Variants in HERPUD2 observed in about 807,000 individuals in gnomAD.
The protein encoded by HERPUD2 is HERPUD family member 2.
Under a neutral mutation model 49.9 loss-of-function variants are expected in HERPUD2, and 13 were observed. The observed-to-expected ratio is 0.26, with a 90% confidence interval of 0.17 to 0.41. The LOEUF (loss-of-function observed/expected upper bound fraction) is 0.41. Ranked by LOEUF, HERPUD2 falls within the 10% of genes least tolerant of loss-of-function variation. The pLI, the probability that HERPUD2 is intolerant of heterozygous loss-of-function variation, is 1.00. For missense variants in HERPUD2, 449 were observed against 492.2 expected, an observed-to-expected ratio of 0.91 and a Z score of 0.83; for synonymous variants, 172 against 171.4, an observed-to-expected ratio of 1.00 and a Z score of -0.03.
intron 5 of HERPUD2, among the ~76,000 whole-genome samples, chr7:35,662,301 T>A (rs1301027439): frequency 6.6e-6 from 1 of 152,224 alleles, no homozygotes; most frequent in Non-Finnish European, 1.5e-5. Flanking sequence ...GATTTTTACA[T>A]CGATGTTCAT....
At chr7:35,691,357 G>A (rs1165018763) in intron 2 of HERPUD2, among the ~76,000 whole-genome samples, 1 of 151,680 alleles carries the variant, frequency 6.6e-6, no homozygotes, top group Non-Finnish European at 1.5e-5. Flanking sequence ...ATAGACATAT[G>A]ACCTATCTTT....
intron 5 of HERPUD2, among the ~76,000 whole-genome samples, chr7:35,641,610 G>A (rs1363121006): frequency 6.6e-6 from 1 of 152,108 alleles, no homozygotes; most frequent in Non-Finnish European, 1.5e-5. Flanking sequence ...CACAGTACTG[G>A]TACAAAAACA....
At chr7:35,658,025 C>A (rs1429863344) in intron 5 of HERPUD2, among the ~76,000 whole-genome samples, 3 of 152,048 alleles carry the variant, frequency 2.0e-5, no homozygotes, top group Non-Finnish European at 2.9e-5. Flanking sequence ...GTCAAAGATA[C>A]CTGCACTCCC....
intron 2 of HERPUD2, among the ~76,000 whole-genome samples, chr7:35,678,940 T>A (rs1207215837): frequency 1.3e-5 from 2 of 152,164 alleles, no homozygotes; most frequent in African/African-American, 4.8e-5. Flanking sequence ...GGACTACTGA[T>A]CAAAATACAT....
chr7:35,666,567 C>T lies in HERPUD2; in HGVS notation c.494+867G>A, dbSNP rs377534458. Among the ~76,000 whole-genome samples, 23 of 152,304 alleles carry T rather than the reference C, an allele frequency of 1.5e-4. No individual in the cohort carries two copies. In the South Asian group the frequency reaches 3.9e-3, roughly 26 times the overall value. ...CACACTGCAGCCCCATGGCTTGATA[C>T]GCAACACAGAAATTATCACTATCTG... On this transcript the variant is annotated intron_variant, in intron 5 of 8. Transcript: ENST00000311350.
chr7:35,660,345 C>G (rs1482342483), intron 5 of HERPUD2, among the ~76,000 whole-genome samples: 1 of 152,196 alleles, frequency 6.6e-6, no homozygotes, highest in South Asian at 2.1e-4. Context: ...CATACGTGTG[C>G]ATATGTCTTT....
chr7:35,635,029 C>T, intron 7 of HERPUD2, 106 bp downstream of exon 7: 1 of 759,996 alleles, frequency 1.3e-6, no homozygotes, highest in Non-Finnish European at 2.1e-6. Flanking sequence ...TAAAGCCCAG[C>T]ATTCATATTC....
chr7:35,655,736 G>A (rs746311205), intron 5 of HERPUD2, among the ~76,000 whole-genome samples: 1 of 152,186 alleles, frequency 6.6e-6, no homozygotes, highest in Non-Finnish European at 1.5e-5. Context: ...AATTGGAAAA[G>A]AGGAAGTCAA....
intron 5 of HERPUD2, among the ~76,000 whole-genome samples, chr7:35,664,510 A>G (rs1785497439): frequency 6.6e-6 from 1 of 152,148 alleles, no homozygotes; most frequent in Non-Finnish European, 1.5e-5. Context: ...CATTCTCCCC[A>G]TCACTTTCAG....
intron 2 of HERPUD2, among the ~76,000 whole-genome samples, chr7:35,686,822 T>TG (rs1786068630): frequency 1.6e-3 from 4 of 2,528 alleles, no homozygotes; most frequent in Non-Finnish European, 2.5e-3. Context: ...GGGGGGGGGG[T>TG]GGGGGGGTGG....
In HERPUD2 at chr7:35,694,217, T is replaced by C. The variant is rs137971360; in HGVS notation, c.114A>G (p.Lys38=). ...TAGGGTAAACGTTAGATAGATGCGT[T>C]TTTAGTTTCCCCACGGTCCAGTTCA... ...CFLNWTVGKL[K]THLSNVYPSK... The change falls in exon 2 of 9, where the codon AAA becomes AAG. Residue 38 remains lysine (K), a synonymous_variant. Coordinates refer to ENST00000311350, the MANE Select transcript of HERPUD2 (RefSeq NM_022373.5). 103 of 1,613,888 alleles carry C rather than the reference T, an allele frequency of 6.4e-5. No homozygotes were observed. The highest frequency in any genetic ancestry group is 8.7e-5 in the Non-Finnish European group (103 of 1,180,002).
In HERPUD2 at chr7:35,674,378, C is replaced by CATATATATATATATATAT. The variant is rs1562682656; in HGVS notation, c.148-1101_148-1100insATATATATATATATATAT. 4.5e-3 allele frequency among the ~76,000 whole-genome samples: 157 copies of CATATATATATATATATAT among 34,854 alleles called. 21 individuals carry two copies. Among genetic ancestry groups the CATATATATATATATATAT allele is most frequent in the Non-Finnish European group, 6.5e-3 (119 of 18,248 alleles). The allele number at this position is 34,854 out of a possible 152,430, so 22.9% of individuals were successfully genotyped here. A position where few individuals can be genotyped will look rare whatever the true frequency, so the allele number is the denominator to read the frequency against. Reference sequence around the variant, plus strand: ...GGTTTTAAAATCATAAGTCTTACAACCTATATATATATATATATATATATA... The same window carrying CATATATATATATATATAT: ...GGTTTTAAAATCATAAGTCTTACAACATATATATATATATATATCTATATATATATATATATATATATA... On this transcript the variant is annotated intron_variant, in intron 2 of 8. Coordinates refer to ENST00000311350, the MANE Select transcript of HERPUD2 (RefSeq NM_022373.5).
chr7:35,668,501 T>C (rs1015647224), intron 4 of HERPUD2: 15 of 154,084 alleles, frequency 9.7e-5, no homozygotes, highest in African/African-American at 3.6e-4. Flanking sequence ...CAGTATTATT[T>C]TAACATCCTT....
rs759296879 is a variant in HERPUD2 at position 35,667,637 on chromosome 7, C to A, written c.340-49G>T. 24 of 1,414,354 alleles carry A rather than the reference C, an allele frequency of 1.7e-5. No homozygotes were observed. The African/African-American group carries it at 3.3e-4, about 19-fold the overall frequency. 87.6% of individuals were successfully genotyped at this position (1,414,354 alleles called of 1,614,324 possible). ...AAAAGGAGATTTAGTTCTTTACAAT[C>A]ATAAAATTACAGGCACATTACTAAA... On this transcript the variant is annotated intron_variant, in intron 4 of 8. Transcript: ENST00000311350.
rs1470585955 is a variant in HERPUD2, at chr7:35,674,984, CAAAT to C, written c.148-1710_148-1707del. Among the ~76,000 whole-genome samples the C allele has an allele frequency of 2.6e-5, 4 of 152,148 alleles. No individual in the cohort carries two copies. In the East Asian group the frequency reaches 7.7e-4, roughly 29 times the overall value. ...CCTTGAGTTCTGTGAGCTGCACTAA[CAAAT>C]TAATTGAACCCCAGGAGGGGGTCAC... On this transcript the variant is annotated intron_variant, in intron 2 of 8. Transcript: ENST00000311350.
At chr7:35,637,757 T>C (rs768930644) in intron 6 of HERPUD2, among the ~76,000 whole-genome samples, 3 of 152,064 alleles carry the variant, frequency 2.0e-5, no homozygotes, top group Admixed American at 6.6e-5. Context: ...GTTAATAAAA[T>C]GAGCTATTAA....
rs141061082 is a variant in HERPUD2 at position 35,645,272 on chromosome 7, G to A, written c.495-6800C>T. ...CTGGTTCATTAAATTATAGTAATCT[G>A]TATAATAGAATGCTGTGCAATTAAT... On this transcript the variant is annotated intron_variant, in intron 5 of 8. Coordinates refer to ENST00000311350, the MANE Select transcript of HERPUD2 (RefSeq NM_022373.5). 2.6e-3 allele frequency among the ~76,000 whole-genome samples: 390 copies of A among 152,248 alleles called. 1 individual carries two copies. Among genetic ancestry groups the A allele is most frequent in the Admixed American group, 3.8e-3 (58 of 15,286 alleles).
intron 2 of HERPUD2, among the ~76,000 whole-genome samples, chr7:35,688,829 T>G (rs966831333): frequency 6.6e-6 from 1 of 151,998 alleles, no homozygotes; most frequent in African/African-American, 2.4e-5. Context: ...AAGTCCAACC[T>G]GGGTTCAAAT....
Position 35,694,034 on chromosome 7 carries a change from G to C in HERPUD2, c.147+150C>G, listed in dbSNP as rs1463522598. 14 of 740,878 alleles carry C rather than the reference G, an allele frequency of 1.9e-5. No homozygotes were observed. The Admixed American group carries it at 3.1e-4, about 17-fold the overall frequency. 45.9% of individuals were successfully genotyped at this position (740,878 alleles called of 1,614,324 possible). A position where few individuals can be genotyped will look rare whatever the true frequency, so the allele number is the denominator to read the frequency against. On this transcript the variant is annotated intron_variant, in intron 2 of 8. Transcript: ENST00000311350. Reference sequence around the variant, plus strand: ...TATTAATGATGGTTCGAACACTCAGGAGACACAACCTCAGAACTCAAAATA... The same window carrying C: ...TATTAATGATGGTTCGAACACTCAGCAGACACAACCTCAGAACTCAAAATA...
Sources: gnomAD v4.1 joint callset for allele counts (sites outside exome capture counted in the v4.1 genomes callset) on GRCh38, gnomAD v4.1.1 for gene constraint, MANE v1.5 for transcripts, NCBI Gene and HGNC (gene_info 2026-07-23, HGNC 2026-07-21) for gene names.